Variants in OGFOD3 observed in about 807,000 individuals in gnomAD.
OGFOD3 encodes the protein 2-oxoglutarate and iron dependent oxygenase domain containing 3, also known as 2-oxoglutarate and iron-dependent oxygenase domain-containing protein 3.
In OGFOD3, 35 loss-of-function variants were observed where a neutral mutation model predicts 39.8. The ratio of observed to expected loss-of-function variants is 0.88; its 90% confidence interval spans 0.67 to 1.17. OGFOD3 has a LOEUF of 1.17. Among genes scored for constraint, OGFOD3 ranks in the 50% most tolerant of loss-of-function variants. The pLI, the probability that OGFOD3 is intolerant of heterozygous loss-of-function variation, is 0.00. For missense variants in OGFOD3, 438 were observed against 454.5 expected (o/e 0.96, Z 0.33); for synonymous variants, 200 against 192.0 (o/e 1.04, Z -0.34).
chr17:82,404,078 C>T lies in OGFOD3; in HGVS notation c.558G>A (p.Gln186=), dbSNP rs1427472591. Residue 186 remains glutamine, a synonymous_variant, in exon 7 of 9, where the codon CAG becomes CAA. Coordinates refer to ENST00000313056, the MANE Select transcript of OGFOD3 (RefSeq NM_024648.3). This position sits in a 1 kb window ranked among gnomAD's most constrained non-coding sequence, Gnocchi z 4.5. ...EDFRLYREVR[Q]KVQLTIAEAF... is the part of the protein sequence containing the mutation. ...CCTCAGCAATGGTGAGCTGGACCTT[C>T]TGCCGCACCTCCCTGCAGAGGACAC... The T allele has an allele frequency of 1.3e-6, 2 of 1,598,452 alleles. No homozygotes were observed. Among genetic ancestry groups the T allele is most frequent in the Admixed American group, 3.4e-5 (2 of 58,454 alleles).
chr17:82,418,490 C>T lies in OGFOD3; in HGVS notation c.-5G>A. ...GGCCCTCCGCTGAGGAGCCATCGGA[C>T]CAGGCCGCCGCGGAGCCGGGCCGGA... On this transcript the variant is annotated 5_prime_UTR_variant, in exon 1 of 9. Coordinates refer to ENST00000313056, the MANE Select transcript of OGFOD3 (RefSeq NM_024648.3). 1 of 1,406,930 alleles carries T rather than the reference C, an allele frequency of 7.1e-7. No homozygotes were observed. The highest frequency in any genetic ancestry group is 9.2e-7 in the Non-Finnish European group (1 of 1,083,070). The allele number at this position is 1,406,930 out of a possible 1,614,324, so 87.2% of individuals were successfully genotyped here. A position where few individuals can be genotyped will look rare whatever the true frequency, so the allele number is the denominator to read the frequency against.
intron 8 of OGFOD3, 112 bp downstream of exon 8, chr17:82,398,084 A>ACACAGCAGATG: frequency 7.3e-7 from 1 of 1,361,280 alleles, no homozygotes; most frequent in Non-Finnish European, 1.0e-6. Flanking sequence ...CCGGCCCGGC[A>ACACAGCAGATG]CACAGCAGAT....
At chr17:82,407,337 G>A (rs1197058000) in intron 4 of OGFOD3, among the ~76,000 whole-genome samples, 1 of 152,168 alleles carries the variant, frequency 6.6e-6, no homozygotes, top group Non-Finnish European at 1.5e-5. Context: ...GGCACGTGTG[G>A]GCTATTTTTA....
chr17:82,416,678 T>TTA (rs1393096390), intron 1 of OGFOD3, among the ~76,000 whole-genome samples: 1 of 115,976 alleles, frequency 8.6e-6, no homozygotes, highest in Non-Finnish European at 1.7e-5. Context: ...TATTTATTAT[T>TTA]TTTTTTTTTG....
intron 4 of OGFOD3, among the ~76,000 whole-genome samples, chr17:82,407,074 G>A (rs2143258701): frequency 6.6e-6 from 1 of 152,144 alleles, no homozygotes; most frequent in South Asian, 2.1e-4. Context: ...AAAATTAGCT[G>A]GGCATGGTGG....
At position 82,392,552 on chromosome 17, in the gene OGFOD3, A is replaced by G; in HGVS notation, c.824-18T>C. ...GACGCGACCTGGGAGAGGAGAAGAGAGAGAGGTGGCCATAGAGCCACACCC... is the reference window on the plus strand; with the variant it reads ...GACGCGACCTGGGAGAGGAGAAGAGGGAGAGGTGGCCATAGAGCCACACCC... On this transcript the variant is annotated intron_variant, in intron 8 of 8. Coordinates refer to ENST00000313056, the MANE Select transcript of OGFOD3 (RefSeq NM_024648.3). This position sits in a 1 kb window ranked among gnomAD's most constrained non-coding sequence, Gnocchi z 4.2. The G allele has an allele frequency of 2.5e-6, 4 of 1,572,920 alleles. No individual in the cohort carries two copies. The highest frequency in any genetic ancestry group is 3.4e-6 in the Non-Finnish European group (4 of 1,159,598).
chr17:82,394,526 T>C (rs146877059), intron 8 of OGFOD3: 15 of 1,611,376 alleles, frequency 9.3e-6, no homozygotes, highest in Non-Finnish European at 1.2e-5. Flanking sequence ...CAAGACATCA[T>C]CCGGAAACAA....
intron 7 of OGFOD3, 73 bp from the exon 8 acceptor site, chr17:82,398,392 TCTTA>T: frequency 6.4e-7 from 1 of 1,557,950 alleles, no homozygotes; most frequent in Non-Finnish European, 8.7e-7. Context: ...TGCTTCTCTC[TCTTA>T]TTTTTTGTTT....
At position 82,404,030 on chromosome 17, in the gene OGFOD3, C is replaced by T. The variant is rs1278109135; in HGVS notation, c.606G>A (p.Ser202=). The change falls in exon 7 of 9, where the codon TCG becomes TCA. Residue 202 remains serine (S), a synonymous_variant. Transcript: ENST00000313056. This position sits in a 1 kb window ranked among gnomAD's most constrained non-coding sequence, Gnocchi z 4.5. ...AGAAGGTGGGCTTGGTCAGATGCAGCGAGGATGCGCTGATGCCAAAAGCCT... is the reference window on the plus strand; with the variant it reads ...AGAAGGTGGGCTTGGTCAGATGCAGTGAGGATGCGCTGATGCCAAAAGCCT... ...IAEAFGISAS[S]LHLTKPTFFS... 3.7e-6 allele frequency: 6 copies of T among 1,610,204 alleles called. No homozygotes were observed. Among genetic ancestry groups the T allele is most frequent in the Non-Finnish European group, 4.2e-6 (5 of 1,178,550 alleles).
chr17:82,411,049 C>CT (rs758650372), intron 3 of OGFOD3, among the ~76,000 whole-genome samples: 2,215 of 136,116 alleles, frequency 0.016, 44 homozygotes, highest in African/African-American at 0.052. Flanking sequence ...ATAATAAAAT[C>CT]TTTTTTTTTT....
At chr17:82,402,988 A>G (rs1467719414) in intron 7 of OGFOD3, among the ~76,000 whole-genome samples, 1 of 152,190 alleles carries the variant, frequency 6.6e-6, no homozygotes, top group African/African-American at 2.4e-5. Flanking sequence ...TGAGCCTGGG[A>G]GGTCAAAGTT....
intron 2 of OGFOD3, 96 bp from the exon 3 acceptor site, chr17:82,411,626 C>A: frequency 2.2e-6 from 2 of 906,940 alleles, no homozygotes; most frequent in South Asian, 1.4e-5. Context: ...TACGCCCGGT[C>A]AAATGTGAAT....
At chr17:82,408,155 A>G (rs1033392933) in intron 4 of OGFOD3, among the ~76,000 whole-genome samples, 1 of 152,196 alleles carries the variant, frequency 6.6e-6, no homozygotes, top group Non-Finnish European at 1.5e-5. Context: ...AAAAAGAAGA[A>G]AAAAAGGAAC....
intron 7 of OGFOD3, among the ~76,000 whole-genome samples, chr17:82,398,999 T>A (rs980137678): frequency 1.2e-3 from 14 of 11,628 alleles, no homozygotes; most frequent in Admixed American, 2.5e-3. Context: ...TTGTAGAGGT[T>A]GGGGCGGGGT....
Position 82,415,446 on chromosome 17 carries a change from T to A in OGFOD3, c.256A>T (p.Ile86Phe), listed in dbSNP as rs752578555. Reference sequence around the variant, plus strand: ...TAGTCCTCAGAGCAGGGCACCTCGATGAATCTCCCTGCCACGACCTCGCCA... The same window carrying A: ...TAGTCCTCAGAGCAGGGCACCTCGAAGAATCTCCCTGCCACGACCTCGCCA... The part of the protein sequence containing the change: ...RRGEVVAGRF[I>F]EVPCSEDYDS... Residue 86 changes from isoleucine to phenylalanine, a missense_variant, in exon 2 of 9, where the codon ATC becomes TTC. Physicochemically the swap from Ile to Phe is conservative, Grantham distance 21. Transcript: ENST00000313056. This position sits in a 1 kb window ranked among gnomAD's most constrained non-coding sequence, Gnocchi z 5.3. The A allele has an allele frequency of 6.2e-7, 1 of 1,614,018 alleles. No homozygotes were observed. Among genetic ancestry groups the A allele is most frequent in the South Asian group, 1.1e-5 (1 of 91,082 alleles).
Position 82,394,278 on chromosome 17 carries a change from C to A in OGFOD3, c.824-1744G>T, listed in dbSNP as rs910768477. 1.5e-5 allele frequency: 22 copies of A among 1,442,920 alleles called. No homozygotes were observed. In the African/African-American group the frequency reaches 2.4e-4, roughly 16 times the overall value. The allele number at this position is 1,442,920 out of a possible 1,614,324, so 89.4% of individuals were successfully genotyped here. ...GTGCTGGGATTACAGGCGTGAGCCA[C>A]CACGCCCGGCCTAAGATGCACTTTC... On this transcript the variant is annotated intron_variant, in intron 8 of 8. Transcript: ENST00000313056.
chr17:82,398,031 C>T (rs2052704387), intron 8 of OGFOD3, among the ~76,000 whole-genome samples, 165 bp downstream of exon 8: 1 of 152,092 alleles, frequency 6.6e-6, no homozygotes, highest in African/African-American at 2.4e-5. Flanking sequence ...ACACCAGCCT[C>T]CTGGGTGTTG....
At chr17:82,405,685 C>T (rs922175358) in intron 5 of OGFOD3, among the ~76,000 whole-genome samples, 1 of 151,986 alleles carries the variant, frequency 6.6e-6, no homozygotes, top group East Asian at 1.9e-4. Flanking sequence ...CATGGTGGTG[C>T]GTGCCTGTAA....
rs540653656 is a variant in OGFOD3, at chr17:82,413,979, T to G, written c.304+1419A>C. Among the ~76,000 whole-genome samples the G allele has an allele frequency of 7.2e-5, 11 of 152,338 alleles. No individual in the cohort carries two copies. The South Asian group carries it at 2.3e-3, about 32-fold the overall frequency. On this transcript the variant is annotated intron_variant, in intron 2 of 8. Coordinates refer to ENST00000313056, the MANE Select transcript of OGFOD3 (RefSeq NM_024648.3). ...ATAGAATTTACCATTTTAGCCAAGCTTTTTAAAAAGTGCGCAGTGTGGTGG... is the reference window on the plus strand; with the variant it reads ...ATAGAATTTACCATTTTAGCCAAGCGTTTTAAAAAGTGCGCAGTGTGGTGG...
Sources: gnomAD v4.1 joint callset for allele counts (sites outside exome capture counted in the v4.1 genomes callset) on GRCh38, gnomAD v4.1.1 for gene constraint, Gnocchi (gnomAD v3.1) non-coding constraint, MANE v1.5 for transcripts, NCBI Gene and HGNC (gene_info 2026-07-23, HGNC 2026-07-21) for gene names.